PRRX2: variants seen among roughly 807,000 people sequenced by gnomAD.
The protein encoded by PRRX2 is paired related homeobox 2, also known as paired mesoderm homeobox protein 2.
In PRRX2, 11 loss-of-function variants were observed where a neutral mutation model predicts 18.0. The ratio of observed to expected loss-of-function variants is 0.61; its 90% CI spans 0.39 to 1.01. PRRX2 has a LOEUF of 1.01. PRRX2 is among the 50% of genes least tolerant of loss of function. The pLI, the probability that PRRX2 is intolerant of heterozygous loss-of-function variation, is 0.01. For missense variants in PRRX2, 387 were observed against 351.0 expected, an observed-to-expected ratio of 1.10 and a Z score of -0.82; for synonymous variants, 177 against 154.8, an observed-to-expected ratio of 1.14 and a Z score of -1.06.
At chr9:129,693,598 C>CA (rs61440612) in intron 1 of PRRX2, among the ~76,000 whole-genome samples, 201 of 105,212 alleles carry the variant, frequency 1.9e-3, no homozygotes, top group South Asian at 3.3e-3. Flanking sequence ...AACTCTGTCT[C>CA]AAAAAAAAAA....
At chr9:129,682,185 C>A (rs992693707) in intron 1 of PRRX2, among the ~76,000 whole-genome samples, 3 of 152,120 alleles carry the variant, frequency 2.0e-5, no homozygotes, top group Admixed American at 2.0e-4. Context: ...CAAGGGGCTT[C>A]TTTCCCTCAA....
chr9:129,679,711 C>T (rs555523240), intron 1 of PRRX2, among the ~76,000 whole-genome samples: 1 of 152,316 alleles, frequency 6.6e-6, no homozygotes, highest in East Asian at 1.9e-4. Flanking sequence ...GGAGCAGGGG[C>T]TGCTGAACGA....
intron 1 of PRRX2, among the ~76,000 whole-genome samples, chr9:129,670,010 C>T (rs1320619029): frequency 1.4e-5 from 2 of 148,128 alleles, no homozygotes; most frequent in Admixed American, 1.4e-4. Context: ...CTCCCCCAGC[C>T]CCTGGCACCC....
rs1832805728 is a variant in PRRX2 at position 129,722,386 on chromosome 9, G to T, written c.*34G>T. On this transcript the variant is annotated 3_prime_UTR_variant, in exon 4 of 4. Transcript: ENST00000372469. ...CCCACCAGGACCCAGACGCCTCCCT[G>T]GGTGGACAGCAATAGAAAAGGGGGC... is the stretch of plus-strand genomic sequence containing the variant. 1.2e-6 allele frequency: 2 copies of T among 1,609,604 alleles called. No homozygotes were observed. The highest frequency in any genetic ancestry group is 1.1e-5 in the South Asian group (1 of 90,818).
intron 1 of PRRX2, among the ~76,000 whole-genome samples, chr9:129,678,156 G>A (rs1225310700): frequency 6.6e-6 from 1 of 151,934 alleles, no homozygotes; most frequent in Non-Finnish European, 1.5e-5. Context: ...TAGAGATGGG[G>A]TTTTGTCACG....
chr9:129,714,226 A>G (rs1832674504), intron 1 of PRRX2, among the ~76,000 whole-genome samples: 1 of 151,294 alleles, frequency 6.6e-6, no homozygotes, highest in Non-Finnish European at 1.5e-5. Flanking sequence ...AATCGCTTGA[A>G]CCCAGGAGCC....
intron 1 of PRRX2, among the ~76,000 whole-genome samples, chr9:129,670,426 G>A (rs1488059659): frequency 6.6e-6 from 1 of 152,146 alleles, no homozygotes; most frequent in Non-Finnish European, 1.5e-5. Context: ...CCGGGTTGGA[G>A]TACAGTGGTG....
At chr9:129,703,096 A>G (rs1832516551) in intron 1 of PRRX2, among the ~76,000 whole-genome samples, 1 of 152,188 alleles carries the variant, frequency 6.6e-6, no homozygotes, top group Non-Finnish European at 1.5e-5. Context: ...CATGCTGGAG[A>G]TGTCGAAGAT....
At chr9:129,682,576 C>T (rs1832247015) in intron 1 of PRRX2, among the ~76,000 whole-genome samples, 1 of 152,194 alleles carries the variant, frequency 6.6e-6, no homozygotes, top group Non-Finnish European at 1.5e-5. Flanking sequence ...ATTCCTTTGT[C>T]TCTTGACTGG....
intron 1 of PRRX2, among the ~76,000 whole-genome samples, chr9:129,710,608 T>C (rs1010335087): frequency 2.0e-5 from 3 of 152,114 alleles, no homozygotes; most frequent in African/African-American, 4.8e-5. Flanking sequence ...TGGCAGGCAC[T>C]TGTAGTCCCA....
chr9:129,704,927 GC>G (rs1832538848), intron 1 of PRRX2, among the ~76,000 whole-genome samples: 1 of 152,202 alleles, frequency 6.6e-6, no homozygotes, highest in South Asian at 2.1e-4. Flanking sequence ...TGGGCCCTGA[GC>G]AGAAAACTTC....
chr9:129,682,768 G>A (rs538813598), intron 1 of PRRX2, among the ~76,000 whole-genome samples: 73 of 152,282 alleles, frequency 4.8e-4, no homozygotes, highest in African/African-American at 1.7e-3. Flanking sequence ...CCATCCTCAG[G>A]TCTTCCAGCA....
Position 129,695,160 on chromosome 9 carries a change from G to A in PRRX2, c.260-24071G>A, listed in dbSNP as rs1022781417. Among the ~76,000 whole-genome samples the A allele has an allele frequency of 6.6e-6, 1 of 152,194 alleles. No homozygotes were observed. The highest frequency in any genetic ancestry group is 6.5e-5 in the Admixed American group (1 of 15,280). On this transcript the variant is annotated intron_variant, in intron 1 of 3. Transcript: ENST00000372469. The surrounding 1 kb of genome is among the most constrained non-coding windows in gnomAD (Gnocchi z 4.8). ...AAGGCCAGGGCCTCATGAAGATCCA[G>A]GGTCATTCTAGAAGTTCTAGGAGGA...
chr9:129,720,851 C>T (rs1452767416), intron 3 of PRRX2, 77 bp downstream of exon 3: 3 of 1,394,864 alleles, frequency 2.2e-6, no homozygotes, highest in Non-Finnish European at 2.8e-6. Flanking sequence ...CTGGACTCCT[C>T]TGAGGGTCTG....
At chr9:129,720,009 CAAAT>C (rs778668878) in intron 2 of PRRX2, among the ~76,000 whole-genome samples, 30 of 151,838 alleles carry the variant, frequency 2.0e-4, no homozygotes, top group East Asian at 7.7e-4. Context: ...AACAAACAAA[CAAAT>C]AAAAATAAAT....
At chr9:129,699,027 T>C (rs1832463860) in intron 1 of PRRX2, among the ~76,000 whole-genome samples, 1 of 152,260 alleles carries the variant, frequency 6.6e-6, no homozygotes, top group African/African-American at 2.4e-5. Flanking sequence ...GGAAGGCCGC[T>C]GTGCCTGTTC....
intron 1 of PRRX2, among the ~76,000 whole-genome samples, chr9:129,696,757 T>G (rs1016932550): frequency 6.6e-6 from 1 of 151,898 alleles, no homozygotes; most frequent in African/African-American, 2.4e-5. Context: ...CCCAGATGCT[T>G]GGGTGGGAGG....
chr9:129,685,608 G>A (rs535876309), intron 1 of PRRX2, among the ~76,000 whole-genome samples: 14 of 152,260 alleles, frequency 9.2e-5, no homozygotes, highest in Admixed American at 3.3e-4. Context: ...CTCCCAAAGT[G>A]TTGGGACTAC....
intron 1 of PRRX2, among the ~76,000 whole-genome samples, chr9:129,669,158 C>CTT (rs10632892): frequency 2.0e-5 from 3 of 150,632 alleles, no homozygotes; most frequent in South Asian, 2.1e-4. Flanking sequence ...CAGGCTCAAA[C>CTT]TTTTTTTAAT....
Sources: allele counts gnomAD v4.1 joint callset (sites outside exome capture counted in the v4.1 genomes callset), GRCh38; gene constraint gnomAD v4.1.1; non-coding constraint Gnocchi (gnomAD v3.1); transcripts MANE v1.5; gene names NCBI Gene and HGNC (gene_info 2026-07-23, HGNC 2026-07-21).